ERBIN: variants seen among roughly 807,000 people sequenced by gnomAD.
The protein encoded by ERBIN is erbb2 interacting protein, also known as densin-180-like protein.
In ERBIN, 60 loss-of-function variants were observed where a neutral mutation model predicts 158.4. That is an observed-to-expected ratio of 0.38 (90% CI 0.31 to 0.47). The LOEUF is 0.47. Among genes scored for constraint, ERBIN ranks in the 20% least tolerant of loss-of-function variants. The pLI is 0.99. For missense variants in ERBIN, 1,610 were observed against 1,648.0 expected (o/e 0.98, Z 0.40); for synonymous variants, 594 against 557.2 (o/e 1.07, Z -0.93).
Position 66,054,047 on chromosome 5 carries a change from T to C in ERBIN, c.2729T>C (p.Ile910Thr), listed in dbSNP as rs1051250326. ...KITSAVDGKN[I>T]VRSKSATLLY... ...ACATCTGCTGTTGATGGAAAAAATATAGTCAGGAGCAAGTCTGCCACACTG... is the reference window on the plus strand; with the variant it reads ...ACATCTGCTGTTGATGGAAAAAATACAGTCAGGAGCAAGTCTGCCACACTG... Residue 910 changes from isoleucine to threonine, a missense_variant, in exon 21 of 26, where the codon ATA becomes ACA. By Grantham distance (89) the Ile-to-Thr change is moderately conservative (BLOSUM62 -1). Around this residue, in one of 2 missense-constraint regions of ERBIN, gnomAD observed 1,014 missense variants for 936.1 expected, o/e 1.08. Transcript: ENST00000284037. 8 of 1,614,004 alleles carry C rather than the reference T, an allele frequency of 5.0e-6. No individual in the cohort carries two copies. Among genetic ancestry groups the C allele is most frequent in the East Asian group, 4.5e-5 (2 of 44,900 alleles).
At chr5:65,930,509 C>T (rs185385426) in intron 1 of ERBIN, among the ~76,000 whole-genome samples, 3 of 152,246 alleles carry the variant, frequency 2.0e-5, no homozygotes, top group East Asian at 1.9e-4. Flanking sequence ...GCGGTTTCAC[C>T]GTGTTAGCCA....
chr5:65,986,937 T>C (rs1411418894), intron 1 of ERBIN, among the ~76,000 whole-genome samples: 1 of 152,234 alleles, frequency 6.6e-6, no homozygotes, highest in Non-Finnish European at 1.5e-5. Context: ...GTCAGTCTTA[T>C]TTATTGGCTG....
chr5:66,043,598 C>T (rs1418363315), intron 16 of ERBIN, among the ~76,000 whole-genome samples: 2 of 151,932 alleles, frequency 1.3e-5, no homozygotes, highest in East Asian at 1.9e-4. Context: ...AGATAAAGAA[C>T]TCTTTGTTAT....
intron 1 of ERBIN, among the ~76,000 whole-genome samples, chr5:65,970,532 T>C (rs1749132381): frequency 6.6e-6 from 1 of 152,306 alleles, no homozygotes; most frequent in African/African-American, 2.4e-5. Flanking sequence ...TCTGTCCTAT[T>C]TGACTGTTTT....
At chr5:66,060,104 G>T (rs537383211) in intron 21 of ERBIN, among the ~76,000 whole-genome samples, 35 of 152,312 alleles carry the variant, frequency 2.3e-4, no homozygotes, top group African/African-American at 8.2e-4. Context: ...AATAGTTTCA[G>T]AAGGAATGGT....
intron 1 of ERBIN, among the ~76,000 whole-genome samples, chr5:65,953,135 C>T (rs1415694849): frequency 1.3e-5 from 2 of 152,146 alleles, no homozygotes; most frequent in Admixed American, 6.5e-5. Flanking sequence ...CTCCACTGCT[C>T]GTTACTACAA....
chr5:66,037,667 G>T (rs566176755), intron 14 of ERBIN, among the ~76,000 whole-genome samples: 2 of 152,198 alleles, frequency 1.3e-5, no homozygotes, highest in East Asian at 3.9e-4. Context: ...CATGTGAGGG[G>T]AGAATTGGGT....
chr5:66,055,122 A>G, intron 21 of ERBIN, 171 bp downstream of exon 21: 2 of 1,386,658 alleles, frequency 1.4e-6, no homozygotes, highest in Non-Finnish European at 1.9e-6. Flanking sequence ...AATTGGGATG[A>G]TAATGTGTGT....
chr5:65,936,113 T>C (rs1284535369), intron 1 of ERBIN, among the ~76,000 whole-genome samples: 1 of 151,986 alleles, frequency 6.6e-6, no homozygotes, highest in Admixed American at 6.6e-5. Flanking sequence ...ATTTCACACC[T>C]TAGGTCACTC....
At chr5:66,028,210 C>T in intron 13 of ERBIN, 64 bp from the exon 14 acceptor site, 1 of 1,229,618 alleles carries the variant, frequency 8.1e-7, no homozygotes, top group Admixed American at 2.0e-5. Flanking sequence ...TTAGGTTGAA[C>T]CCTCATTCAT....
chr5:65,971,159 A>G (rs1749203024), intron 1 of ERBIN, among the ~76,000 whole-genome samples: 2 of 151,974 alleles, frequency 1.3e-5, no homozygotes, highest in African/African-American at 4.8e-5. Flanking sequence ...TGATAAATCT[A>G]AATTGGTTGA....
chr5:65,988,594 G>A (rs1006330884), intron 1 of ERBIN, 41 bp from the exon 2 acceptor site: 4 of 152,114 alleles, frequency 2.6e-5, no homozygotes, highest in Admixed American at 2.0e-4. Flanking sequence ...ATAAAGATCC[G>A]TTTTTATTGT....
intron 1 of ERBIN, among the ~76,000 whole-genome samples, chr5:65,971,731 A>G (rs1348111704): frequency 6.6e-6 from 1 of 152,212 alleles, no homozygotes; most frequent in Non-Finnish European, 1.5e-5. Context: ...TCCATAGATT[A>G]TGGCTTCAGA....
At chr5:66,008,463 G>A (rs1189257142) in intron 4 of ERBIN, among the ~76,000 whole-genome samples, 1 of 152,090 alleles carries the variant, frequency 6.6e-6, no homozygotes, top group Non-Finnish European at 1.5e-5. Flanking sequence ...ATTTGTGGGA[G>A]ATGATCCAAG....
Position 66,012,145 on chromosome 5 carries a change from T to G in ERBIN, c.386+18T>G, listed in dbSNP as rs1392680110. The G allele has an allele frequency of 1.3e-6, 2 of 1,508,564 alleles. No individual in the cohort carries two copies. The highest frequency in any genetic ancestry group is 2.0e-5 in the Admixed American group (1 of 50,686). The allele number at this position is 1,508,564 out of a possible 1,614,324, so 93.4% of individuals were successfully genotyped here. On this transcript the variant is annotated intron_variant, in intron 5 of 25. Coordinates refer to ENST00000284037, the MANE Select transcript of ERBIN (RefSeq NM_001253697.2). ...ATTTCCAAGTAAGTTCTCAGGTGAA[T>G]TATAAATTACTTTTGTGAATAAAAC... is the stretch of plus-strand genomic sequence containing the variant.
At chr5:66,004,122 T>G (rs992876679) in intron 4 of ERBIN, among the ~76,000 whole-genome samples, 15 of 149,494 alleles carry the variant, frequency 1.0e-4, no homozygotes, top group African/African-American at 3.7e-4. Flanking sequence ...TTTTTTTTTT[T>G]TAAGAGATGG....
At position 65,994,840 on chromosome 5, in the gene ERBIN, A is replaced by G; in HGVS notation, c.283A>G (p.Arg95Gly). 1 of 1,598,764 alleles carries G rather than the reference A, an allele frequency of 6.3e-7. No homozygotes were observed. Among genetic ancestry groups the G allele is most frequent in the Non-Finnish European group, 8.5e-7 (1 of 1,170,994 alleles). Residue 95 changes from arginine (R) to glycine (G), a missense_variant, in exon 4 of 26, where the codon AGG becomes GGG. By Grantham distance (125) the Arg-to-Gly change is moderately radical. Transcript: ENST00000284037. ...ATCCATTGCAAACCTTATTAATCTC[A>G]GGGAACTGGATGTCAGCAAGAATGG... ...PASIANLINL[R>G]ELDVSKNGIQ...
intron 1 of ERBIN, among the ~76,000 whole-genome samples, chr5:65,927,371 T>A (rs1742784859): frequency 6.6e-6 from 1 of 152,204 alleles, no homozygotes; most frequent in Non-Finnish European, 1.5e-5. Context: ...CATTCTTAGT[T>A]GTTTTTCAGG....
chr5:65,999,412 T>A lies in ERBIN; in HGVS notation c.307+4548T>A, dbSNP rs532880168. On this transcript the variant is annotated intron_variant, in intron 4 of 25. Transcript: ENST00000284037. Reference sequence around the variant, plus strand: ...GTCTTTTTGCTAAGCTTATTTAAATTTAAGTTGGAGGCATCATGTCTTCAC... The same window carrying A: ...GTCTTTTTGCTAAGCTTATTTAAATATAAGTTGGAGGCATCATGTCTTCAC... Among the ~76,000 whole-genome samples the A allele has an allele frequency of 3.9e-5, 6 of 152,274 alleles. No individual in the cohort carries two copies. In the East Asian group the frequency reaches 7.7e-4, roughly 20 times the overall value.
Sources: allele counts gnomAD v4.1 joint callset (sites outside exome capture counted in the v4.1 genomes callset), GRCh38; gene constraint gnomAD v4.1.1; regional missense constraint gnomAD v4.1.1; transcripts MANE v1.5; gene names NCBI Gene and HGNC (gene_info 2026-07-23, HGNC 2026-07-21).